Variants in PCDHA7 observed in about 807,000 individuals in gnomAD.
The protein encoded by PCDHA7 is protocadherin alpha 7.
PCDHA7 carries 37 observed loss-of-function variants against 57.2 expected under a neutral mutation model. That is an observed-to-expected ratio of 0.65 (90% confidence interval 0.50 to 0.85). The LOEUF is 0.85. Ranked by LOEUF, PCDHA7 falls within the 40% of genes least tolerant of loss-of-function variation. The probability of loss-of-function intolerance (pLI) is 0.00; values close to 1 mark genes in which losing one functional copy is unlikely to be tolerated. For missense variants in PCDHA7, 1,188 were observed against 1,241.8 expected, an observed-to-expected ratio of 0.96 and a Z score of 0.65; for synonymous variants, 553 against 558.8, an observed-to-expected ratio of 0.99 and a Z score of 0.15.
chr5:140,929,226 C>T (rs782065898), intron 1 of PCDHA7: 14 of 1,613,766 alleles, frequency 8.7e-6, no homozygotes, highest in African/African-American at 5.3e-5. Flanking sequence ...ACAATGCTGC[C>T]GACCTGCGAA....
intron 1 of PCDHA7, chr5:140,928,068 C>G: frequency 1.2e-6 from 2 of 1,614,214 alleles, no homozygotes; most frequent in South Asian, 2.2e-5. Context: ...CTTCCTTTGA[C>G]AACTACTACA....
At chr5:140,947,252 T>A (rs1554218120) in intron 1 of PCDHA7, among the ~76,000 whole-genome samples, 1 of 151,596 alleles carries the variant, frequency 6.6e-6, no homozygotes, top group Non-Finnish European at 1.5e-5. Flanking sequence ...GATAATCCAA[T>A]GTACCATTTG....
chr5:140,862,746 C>A, intron 1 of PCDHA7: 2 of 577,770 alleles, frequency 3.5e-6, no homozygotes, highest in East Asian at 9.5e-5. Flanking sequence ...TGTGGGTGCA[C>A]GCGGAGAGCG....
intron 1 of PCDHA7, among the ~76,000 whole-genome samples, chr5:140,952,282 C>A (rs12187982): frequency 0.12 from 17,942 of 151,036 alleles, 1,209 homozygotes; most frequent in Middle Eastern, 0.19. Context: ...AGGGTGGTGG[C>A]CCTCTTCTCA....
At chr5:140,882,675 G>A in intron 1 of PCDHA7, 1 of 1,614,218 alleles carries the variant, frequency 6.2e-7, no homozygotes, top group Non-Finnish European at 8.5e-7. Context: ...TTCCCTGAAA[G>A]CAAGAAACGA....
At chr5:140,871,112 A>G (rs1554165130) in intron 1 of PCDHA7, 2 of 1,613,290 alleles carry the variant, frequency 1.2e-6, no homozygotes, top group Non-Finnish European at 1.7e-6. Context: ...TCGTTGGTGG[A>G]GAGCGGACAG....
At chr5:140,975,352 T>G (rs2096663445) in intron 1 of PCDHA7, among the ~76,000 whole-genome samples, 1 of 152,256 alleles carries the variant, frequency 6.6e-6, no homozygotes, top group African/African-American at 2.4e-5. Flanking sequence ...TAAAGCCAAC[T>G]GTGCTACATA....
intron 1 of PCDHA7, among the ~76,000 whole-genome samples, chr5:140,899,002 G>T (rs1265936919): frequency 7.2e-4 from 110 of 151,880 alleles, no homozygotes; most frequent in African/African-American, 2.6e-3. Context: ...GTCTGTTATT[G>T]GTGTATAAGA....
chr5:140,907,034 C>G (rs1554192846), intron 1 of PCDHA7, among the ~76,000 whole-genome samples: 1 of 152,142 alleles, frequency 6.6e-6, no homozygotes, highest in Admixed American at 6.5e-5. Context: ...AACATAATGT[C>G]ACAGGGACAG....
intron 1 of PCDHA7, among the ~76,000 whole-genome samples, chr5:140,964,713 A>C (rs2095850699): frequency 6.6e-6 from 1 of 152,070 alleles, no homozygotes; most frequent in South Asian, 2.1e-4. Flanking sequence ...TCCGAGATCA[A>C]ATTACCACAG....
Position 140,927,631 on chromosome 5 carries a change from C to T in PCDHA7, c.2356-51318C>T, listed in dbSNP as rs760961070. 1.7e-5 allele frequency: 28 copies of T among 1,614,068 alleles called. No homozygotes were observed. In the Admixed American group the frequency reaches 2.5e-4, roughly 14 times the overall value. On this transcript the variant is annotated intron_variant, in intron 1 of 3. Coordinates refer to ENST00000525929, the MANE Select transcript of PCDHA7 (RefSeq NM_018910.3). ...CCGCACCAAGGTTCCAGAGACTGCA[C>T]CCAATGGGACTGTGTTATTCCGAGT...
chr5:140,849,816 G>T lies in PCDHA7; in HGVS notation c.2355+13078G>T, dbSNP rs2150451582. ...GCCTTCACTGTGGGCCACGGCCAGG[G>T]TGTCTGTGGAGGTGGCCGACGTGAA... On this transcript the variant is annotated intron_variant, in intron 1 of 3. Transcript: ENST00000525929. 94 of 1,598,462 alleles carry T rather than the reference G, an allele frequency of 5.9e-5. 8 individuals are homozygous for T. Among genetic ancestry groups the T allele is most frequent in the Admixed American group, 5.1e-5 (3 of 59,318 alleles).
intron 1 of PCDHA7, among the ~76,000 whole-genome samples, chr5:140,840,645 G>A (rs1346934445): frequency 2.6e-5 from 4 of 152,068 alleles, no homozygotes; most frequent in Middle Eastern, 3.4e-3. Context: ...TAGAGAAATA[G>A]TGTAAAGAAT....
intron 3 of PCDHA7, among the ~76,000 whole-genome samples, chr5:140,998,792 G>A (rs747824792): frequency 6.6e-6 from 1 of 152,156 alleles, no homozygotes; most frequent in Non-Finnish European, 1.5e-5. Flanking sequence ...TGGAACCCCT[G>A]ACCTCAGGTG....
chr5:140,875,932 C>T, intron 1 of PCDHA7: 3 of 1,614,154 alleles, frequency 1.9e-6, no homozygotes, highest in South Asian at 1.1e-5. Flanking sequence ...TCATTTTCCT[C>T]TAGAGGGCGC....
intron 1 of PCDHA7, chr5:140,966,708 C>G (rs1033433543): frequency 7.2e-7 from 1 of 1,384,746 alleles, no homozygotes; most frequent in Non-Finnish European, 9.3e-7. Context: ...GCGTGGGGCA[C>G]GGCTGGGGAA....
intron 1 of PCDHA7, among the ~76,000 whole-genome samples, chr5:140,891,266 T>G (rs1301781810): frequency 1.3e-5 from 2 of 152,188 alleles, no homozygotes; most frequent in Non-Finnish European, 2.9e-5. Context: ...ATTTTTAATT[T>G]TTCCGTAAGT....
intron 3 of PCDHA7, among the ~76,000 whole-genome samples, chr5:140,983,802 A>G (rs2097069375): frequency 6.6e-6 from 1 of 152,246 alleles, no homozygotes; most frequent in South Asian, 2.1e-4. Context: ...ATGTGTGTGT[A>G]AAAGGTTTTT....
In PCDHA7 at chr5:140,851,114, A is replaced by C; in HGVS notation, c.2355+14376A>C. On this transcript the variant is annotated intron_variant, in intron 1 of 3. Transcript: ENST00000525929. ...TAGATATTTTTTGGGTGCTGAATCA[A>C]TTTTATTTAAATTTGTGATTAAAGT... 6 of 1,305,466 alleles carry C rather than the reference A, an allele frequency of 4.6e-6. 1 individual carries two copies. The highest frequency in any genetic ancestry group is 6.0e-6 in the Non-Finnish European group (6 of 1,007,386). 80.9% of individuals were successfully genotyped at this position (1,305,466 alleles called of 1,614,324 possible).
Sources: gnomAD v4.1 joint callset for allele counts (sites outside exome capture counted in the v4.1 genomes callset) on GRCh38, gnomAD v4.1.1 for gene constraint, MANE v1.5 for transcripts, NCBI Gene and HGNC (gene_info 2026-07-23, HGNC 2026-07-21) for gene names.